The following NMNAT2 variants were observed in gnomAD, a reference collection of about 807,000 sequenced individuals.
NMNAT2 encodes nicotinamide nucleotide adenylyltransferase 2, also known as nicotinamide/nicotinic acid mononucleotide adenylyltransferase 2.
In NMNAT2, 11 loss-of-function variants were observed where a neutral mutation model predicts 41.6. The ratio of observed to expected loss-of-function variants is 0.26; its 90% CI spans 0.17 to 0.44. The LOEUF is 0.44. NMNAT2 is among the 20% of genes least tolerant of loss of function. NMNAT2 has a pLI of 1.00. For missense variants in NMNAT2, 288 were observed against 407.7 expected, an observed-to-expected ratio of 0.71 and a Z score of 2.53; for synonymous variants, 148 against 151.2, an observed-to-expected ratio of 0.98 and a Z score of 0.16.
chr1:183,306,612 G>A (rs1192065237), intron 1 of NMNAT2, among the ~76,000 whole-genome samples: 2 of 152,016 alleles, frequency 1.3e-5, no homozygotes, highest in Admixed American at 6.6e-5. Context: ...AGAATTTCAG[G>A]GACACAGAAA....
chr1:183,321,646 G>A (rs1262854780), intron 1 of NMNAT2, among the ~76,000 whole-genome samples: 1 of 151,978 alleles, frequency 6.6e-6, no homozygotes, highest in Non-Finnish European at 1.5e-5. Flanking sequence ...AGAGGTTGAG[G>A]TAGGAGAATA....
intron 1 of NMNAT2, among the ~76,000 whole-genome samples, chr1:183,407,121 C>A (rs2101929907): frequency 6.6e-6 from 1 of 152,222 alleles, no homozygotes; most frequent in East Asian, 1.9e-4. Context: ...CTGGCCTGAT[C>A]TGCCATTCTT....
intron 1 of NMNAT2, 29 bp downstream of exon 1, chr1:183,418,154 G>A: frequency 2.5e-6 from 4 of 1,597,188 alleles, no homozygotes; most frequent in Non-Finnish European, 3.4e-6. Context: ...GAGCGGAAGC[G>A]GCTTCCAGAG....
intron 1 of NMNAT2, among the ~76,000 whole-genome samples, chr1:183,303,695 T>C (rs955361761): frequency 3.3e-5 from 5 of 152,202 alleles, no homozygotes; most frequent in African/African-American, 1.2e-4. Flanking sequence ...CTCTTCAAGT[T>C]GTCCAGCCTA....
At chr1:183,331,852 A>G (rs529153351) in intron 1 of NMNAT2, among the ~76,000 whole-genome samples, 1 of 152,256 alleles carries the variant, frequency 6.6e-6, no homozygotes, top group African/African-American at 2.4e-5. Context: ...CAGTGGTGCA[A>G]TCTGGGCTCA....
At chr1:183,337,219 G>A (rs1315166891) in intron 1 of NMNAT2, among the ~76,000 whole-genome samples, 1 of 151,796 alleles carries the variant, frequency 6.6e-6, no homozygotes. Context: ...TGAAAATAAT[G>A]GGAAAAAAGA....
At chr1:183,394,085 T>C (rs1006019982) in intron 1 of NMNAT2, among the ~76,000 whole-genome samples, 6 of 152,196 alleles carry the variant, frequency 3.9e-5, no homozygotes, top group African/African-American at 1.2e-4. Flanking sequence ...ATGAGAAGCA[T>C]AGCAAGTGAG....
chr1:183,403,878 A>AGGC (rs1192519902), intron 1 of NMNAT2, among the ~76,000 whole-genome samples: 4 of 152,360 alleles, frequency 2.6e-5, no homozygotes, highest in South Asian at 2.1e-4. Flanking sequence ...GGTTAAAGTC[A>AGGC]GGCCAGACAG....
intron 1 of NMNAT2, among the ~76,000 whole-genome samples, chr1:183,401,439 A>G (rs1648805127): frequency 1.3e-5 from 2 of 152,198 alleles, no homozygotes; most frequent in South Asian, 4.1e-4. Context: ...GGATGTGGAG[A>G]AATAGGAAAA....
At chr1:183,350,199 G>T (rs1415482339) in intron 1 of NMNAT2, among the ~76,000 whole-genome samples, 1 of 152,194 alleles carries the variant, frequency 6.6e-6, no homozygotes, top group Non-Finnish European at 1.5e-5. Context: ...AATGAATGGG[G>T]AGAGGTGATG....
chr1:183,345,847 C>T (rs1215280726), intron 1 of NMNAT2, among the ~76,000 whole-genome samples: 3 of 152,008 alleles, frequency 2.0e-5, no homozygotes, highest in East Asian at 1.9e-4. Flanking sequence ...CCACCATGCC[C>T]GGCTAATTTT....
At position 183,345,893 on chromosome 1, in the gene NMNAT2, C is replaced by A. The variant is rs561540285; in HGVS notation, c.86-52100G>T. Among the ~76,000 whole-genome samples, 27 of 152,028 alleles carry A rather than the reference C, an allele frequency of 1.8e-4. 1 individual carries two copies. The Middle Eastern group carries it at 0.02, about 115-fold the overall frequency. ...AGTAGAGACAGGGTCTCACCGTGTT[C>A]GCCAGGATGGTCTCGATCTCCTGAC... On this transcript the variant is annotated intron_variant, in intron 1 of 10. Transcript: ENST00000287713.
At chr1:183,362,624 A>C (rs1005896271) in intron 1 of NMNAT2, among the ~76,000 whole-genome samples, 1 of 152,232 alleles carries the variant, frequency 6.6e-6, no homozygotes, top group African/African-American at 2.4e-5. Flanking sequence ...TTTATGGCTG[A>C]ATAATATTCC....
intron 1 of NMNAT2, among the ~76,000 whole-genome samples, chr1:183,402,048 A>G (rs1648826584): frequency 6.6e-6 from 1 of 151,672 alleles, no homozygotes; most frequent in South Asian, 2.1e-4. Context: ...GTGCACATGT[A>G]CCCTAGAACT....
chr1:183,352,972 G>C (rs532799579), intron 1 of NMNAT2, among the ~76,000 whole-genome samples: 1 of 152,152 alleles, frequency 6.6e-6, no homozygotes, highest in Non-Finnish European at 1.5e-5. Context: ...TGAAGAGGGG[G>C]TCAGAAAGGA....
intron 1 of NMNAT2, among the ~76,000 whole-genome samples, chr1:183,308,417 G>C (rs1327073561): frequency 1.3e-5 from 2 of 152,212 alleles, no homozygotes; most frequent in East Asian, 3.9e-4. Flanking sequence ...CAAAATGATA[G>C]ATGGGCATGA....
At chr1:183,333,730 A>C (rs1202287166) in intron 1 of NMNAT2, among the ~76,000 whole-genome samples, 1 of 149,914 alleles carries the variant, frequency 6.7e-6, no homozygotes, top group Non-Finnish European at 1.5e-5. Context: ...AAACGAATAC[A>C]CTTTCTAAGC....
rs548787401 is a variant in NMNAT2, at chr1:183,291,421, G to A, written c.243-1215C>T. 2.4e-4 allele frequency among the ~76,000 whole-genome samples: 37 copies of A among 152,160 alleles called. 1 individual carries two copies. Among genetic ancestry groups the A allele is most frequent in the East Asian group, 1.7e-3 (9 of 5,170 alleles). The stretch of plus-strand genomic sequence containing the variant: ...TGTGCCCTGGGAGCGCACCTGTGCC[G>A]GAAACAAACACTTCACCTGGCTAAA... On this transcript the variant is annotated intron_variant, in intron 3 of 10. Coordinates refer to ENST00000287713, the MANE Select transcript of NMNAT2 (RefSeq NM_015039.4).
At chr1:183,404,542 G>C (rs902785751) in intron 1 of NMNAT2, among the ~76,000 whole-genome samples, 2 of 152,188 alleles carry the variant, frequency 1.3e-5, no homozygotes, top group African/African-American at 4.8e-5. Context: ...ACTGATATAG[G>C]AACATCTTCT....
Sources: allele counts gnomAD v4.1 joint callset (sites outside exome capture counted in the v4.1 genomes callset), GRCh38; gene constraint gnomAD v4.1.1; transcripts MANE v1.5; gene names NCBI Gene and HGNC (gene_info 2026-07-23, HGNC 2026-07-21).